KIF13B: variants seen among roughly 807,000 people sequenced by gnomAD.
KIF13B encodes the protein kinesin family member 13B, also known as kinesin-like protein KIF13B.
Under a neutral mutation model 222.0 loss-of-function variants are expected in KIF13B, and 127 were observed. The observed-to-expected ratio is 0.57, with a 90% CI of 0.50 to 0.66. KIF13B has a LOEUF of 0.66. KIF13B is among the 30% of genes least tolerant of loss of function. The pLI is 0.00. For missense variants in KIF13B, 2,173 were observed against 2,379.0 expected, an observed-to-expected ratio of 0.91 and a Z score of 1.80; for synonymous variants, 976 against 919.0, an observed-to-expected ratio of 1.06 and a Z score of -1.12.
chr8:29,177,211 A>T (rs1210280392), intron 9 of KIF13B, among the ~76,000 whole-genome samples: 1 of 151,620 alleles, frequency 6.6e-6, no homozygotes. Context: ...TCTACAAAGC[A>T]CAGCATCACC....
intron 13 of KIF13B, among the ~76,000 whole-genome samples, chr8:29,160,472 A>G (rs888111807): frequency 6.6e-6 from 1 of 152,218 alleles, no homozygotes; most frequent in Non-Finnish European, 1.5e-5. Context: ...TTATCTACTT[A>G]ATTCCCTGAT....
intron 10 of KIF13B, among the ~76,000 whole-genome samples, chr8:29,174,435 A>C (rs755977516): frequency 1.3e-5 from 2 of 152,170 alleles, no homozygotes; most frequent in Non-Finnish European, 2.9e-5. Context: ...AAGAAAAGTA[A>C]ATTTTTTTTT....
chr8:29,112,248 C>A (rs1414201302), intron 32 of KIF13B, among the ~76,000 whole-genome samples: 1 of 152,036 alleles, frequency 6.6e-6, no homozygotes, highest in African/African-American at 2.4e-5. Context: ...TCCTGGCCAA[C>A]GTGGTGAAAT....
intron 2 of KIF13B, among the ~76,000 whole-genome samples, chr8:29,231,557 G>C (rs1252037417): frequency 1.3e-5 from 2 of 152,136 alleles, no homozygotes. Flanking sequence ...GAATGAAATT[G>C]AGCAAGGAAG....
intron 2 of KIF13B, among the ~76,000 whole-genome samples, chr8:29,202,448 G>A (rs1393144736): frequency 6.6e-6 from 1 of 152,132 alleles, no homozygotes; most frequent in African/African-American, 2.4e-5. Flanking sequence ...CTCCCAAGTA[G>A]CTGGGACTAC....
At chr8:29,211,553 G>A (rs1814228179) in intron 2 of KIF13B, among the ~76,000 whole-genome samples, 1 of 152,238 alleles carries the variant, frequency 6.6e-6, no homozygotes, top group East Asian at 1.9e-4. Context: ...TGCAGAGGGA[G>A]AACTCCAGGA....
chr8:29,106,025 T>A (rs911524172), intron 35 of KIF13B, among the ~76,000 whole-genome samples: 3 of 152,220 alleles, frequency 2.0e-5, no homozygotes, highest in African/African-American at 7.2e-5. Flanking sequence ...TTGGGTTAGA[T>A]ACATTTTCCA....
intron 37 of KIF13B, among the ~76,000 whole-genome samples, chr8:29,087,010 C>A (rs570511944): frequency 2.0e-5 from 3 of 152,234 alleles, no homozygotes; most frequent in Non-Finnish European, 4.4e-5. Flanking sequence ...GGATGCCTCA[C>A]GCAGAGCCGT....
chr8:29,090,568 G>A (rs1808251825), intron 37 of KIF13B, among the ~76,000 whole-genome samples: 1 of 152,084 alleles, frequency 6.6e-6, no homozygotes, highest in African/African-American at 2.4e-5. Context: ...TGTGGGCAAG[G>A]GGGAGCTCCC....
intron 13 of KIF13B, 142 bp from the exon 14 acceptor site, chr8:29,155,998 T>G: frequency 1.7e-6 from 1 of 584,752 alleles, no homozygotes; most frequent in Non-Finnish European, 3.0e-6. Context: ...AGACAGAGTC[T>G]TGCTCTATCC....
chr8:29,130,125 G>C lies in KIF13B; in HGVS notation c.3075+408C>G, dbSNP rs147379922. 3.3e-5 allele frequency among the ~76,000 whole-genome samples: 5 copies of C among 152,156 alleles called. No individual in the cohort carries two copies. In the East Asian group the frequency reaches 9.7e-4, roughly 29 times the overall value. On this transcript the variant is annotated intron_variant, in intron 24 of 39. Coordinates refer to ENST00000524189, the MANE Select transcript of KIF13B (RefSeq NM_015254.4). ...CTTTCTAAAGCTGTTTGATATGTTT[G>C]GTTTATGTCCTACAAATCAATTCTA...
chr8:29,164,587 C>T (rs1257592677), intron 12 of KIF13B, among the ~76,000 whole-genome samples: 2 of 152,234 alleles, frequency 1.3e-5, no homozygotes, highest in East Asian at 3.9e-4. Context: ...CTCTTAGCTA[C>T]AAAAGAACAA....
intron 26 of KIF13B, among the ~76,000 whole-genome samples, chr8:29,124,573 C>T (rs1489632929): frequency 6.6e-6 from 1 of 151,682 alleles, no homozygotes; most frequent in African/African-American, 2.4e-5. Flanking sequence ...CACAGCGAAA[C>T]CCTGTCTCTA....
intron 21 of KIF13B, among the ~76,000 whole-genome samples, chr8:29,136,845 G>A (rs1810582755): frequency 6.9e-6 from 1 of 145,534 alleles, no homozygotes; most frequent in African/African-American, 2.6e-5. Flanking sequence ...TGTTGCCCAG[G>A]CTGGAGTGCA....
intron 3 of KIF13B, 34 bp from the exon 4 acceptor site, chr8:29,191,091 A>C (rs1174128836): frequency 6.6e-7 from 1 of 1,504,428 alleles, no homozygotes; most frequent in South Asian, 1.2e-5. Flanking sequence ...GTGTTAAGAA[A>C]ACCTCAACAT....
At chr8:29,107,750 C>CA (rs1481960430) in intron 35 of KIF13B, among the ~76,000 whole-genome samples, 2 of 151,734 alleles carry the variant, frequency 1.3e-5, no homozygotes, top group Non-Finnish European at 2.9e-5. Flanking sequence ...TTAGTAGAGA[C>CA]GGGGTTTCAC....
At chr8:29,218,701 G>A (rs1314117816) in intron 2 of KIF13B, among the ~76,000 whole-genome samples, 1 of 152,278 alleles carries the variant, frequency 6.6e-6, no homozygotes, top group Admixed American at 6.5e-5. Flanking sequence ...ACAAAAAGCT[G>A]TTAAGAGAGT....
intron 2 of KIF13B, among the ~76,000 whole-genome samples, chr8:29,211,764 C>G (rs1814238376): frequency 6.6e-6 from 1 of 152,202 alleles, no homozygotes. Context: ...TCCTTAAACA[C>G]CAGGTGGCAT....
chr8:29,226,775 G>C (rs1466359050), intron 2 of KIF13B, among the ~76,000 whole-genome samples: 1 of 152,222 alleles, frequency 6.6e-6, no homozygotes, highest in Non-Finnish European at 1.5e-5. Flanking sequence ...CATTTTGACA[G>C]ACTAATGGTC....
Sources: allele counts gnomAD v4.1 joint callset (sites outside exome capture counted in the v4.1 genomes callset), GRCh38; gene constraint gnomAD v4.1.1; transcripts MANE v1.5; gene names NCBI Gene and HGNC (gene_info 2026-07-23, HGNC 2026-07-21).